Variants in NRXN3 observed in about 807,000 individuals in gnomAD.
NRXN3 encodes the protein neurexin III.
A neutral mutation model predicts 137.6 loss-of-function variants in NRXN3; 32 were observed. The ratio of observed to expected loss-of-function variants is 0.23; its 90% CI spans 0.18 to 0.31. The LOEUF (loss-of-function observed/expected upper bound fraction) is 0.31, where lower values mean the gene tolerates loss of function less well. Ranked by LOEUF, NRXN3 falls within the 10% of genes least tolerant of loss-of-function variation. The pLI, the probability that NRXN3 is intolerant of heterozygous loss-of-function variation, is 1.00. For missense variants in NRXN3, 1,574 were observed against 2,062.5 expected (o/e 0.76, Z 4.59); for synonymous variants, 798 against 784.5 (o/e 1.02, Z -0.29).
chr14:79,830,441 G>C (rs2099319820), intron 20 of NRXN3, among the ~76,000 whole-genome samples: 1 of 152,140 alleles, frequency 6.6e-6, no homozygotes, highest in African/African-American at 2.4e-5. Flanking sequence ...CCCCAAATGT[G>C]TGTCTCTTGT....
chr14:78,555,735 A>C (rs950720081), intron 4 of NRXN3, among the ~76,000 whole-genome samples: 4 of 152,242 alleles, frequency 2.6e-5, no homozygotes, highest in African/African-American at 9.6e-5. Flanking sequence ...CTCAAAATGA[A>C]GTAACAGTAA....
chr14:79,428,809 G>C (rs1600156764), intron 15 of NRXN3, among the ~76,000 whole-genome samples: 1 of 152,200 alleles, frequency 6.6e-6, no homozygotes, highest in East Asian at 1.9e-4. Context: ...TTCTGAGTTT[G>C]AAGCAGATTC....
intron 16 of NRXN3, among the ~76,000 whole-genome samples, chr14:79,473,383 G>T (rs571192513): frequency 6.6e-6 from 1 of 152,218 alleles, no homozygotes; most frequent in East Asian, 1.9e-4. Context: ...ATGATGAATG[G>T]TCTGTTCCTC....
At chr14:78,489,806 A>G (rs931149298) in intron 4 of NRXN3, among the ~76,000 whole-genome samples, 3 of 152,096 alleles carry the variant, frequency 2.0e-5, no homozygotes, top group South Asian at 4.2e-4. Context: ...TGGAGAAATC[A>G]GAGGCAATCA....
chr14:78,416,556 A>G (rs552549338), intron 4 of NRXN3, among the ~76,000 whole-genome samples: 7 of 152,352 alleles, frequency 4.6e-5, no homozygotes, highest in Admixed American at 2.6e-4. Flanking sequence ...TTGTAATCAA[A>G]TAGTCATCTA....
chr14:78,508,938 G>T (rs1265455572), intron 4 of NRXN3, among the ~76,000 whole-genome samples: 1 of 152,138 alleles, frequency 6.6e-6, no homozygotes, highest in East Asian at 1.9e-4. Flanking sequence ...TTTGTATTCA[G>T]TACTATAATG....
chr14:79,270,336 CT>C (rs2079112265), intron 15 of NRXN3, among the ~76,000 whole-genome samples: 1 of 152,124 alleles, frequency 6.6e-6, no homozygotes, highest in African/African-American at 2.4e-5. Flanking sequence ...ATGTTCTCCC[CT>C]ATAGTAATTC....
intron 4 of NRXN3, among the ~76,000 whole-genome samples, chr14:78,473,855 C>T (rs1375064086): frequency 6.6e-6 from 1 of 152,184 alleles, no homozygotes; most frequent in African/African-American, 2.4e-5. Flanking sequence ...CTGCAAAGGG[C>T]TGCTTGAATG....
chr14:78,594,517 A>G (rs2097143485), intron 4 of NRXN3, among the ~76,000 whole-genome samples: 1 of 152,218 alleles, frequency 6.6e-6, no homozygotes, highest in Non-Finnish European at 1.5e-5. Context: ...TGGTCAATAC[A>G]ACTACTCTTG....
intron 16 of NRXN3, among the ~76,000 whole-genome samples, chr14:79,558,841 G>A (rs1271513928): frequency 6.6e-6 from 1 of 152,106 alleles, no homozygotes; most frequent in Non-Finnish European, 1.5e-5. Flanking sequence ...ATCTAGTGCA[G>A]CCATCTTTAT....
At chr14:78,173,807 A>T (rs561066730) in intron 1 of NRXN3, among the ~76,000 whole-genome samples, 1 of 107,046 alleles carries the variant, frequency 9.3e-6, no homozygotes, top group Non-Finnish European at 2.2e-5. Context: ...CGGCACATCC[A>T]CACACACACT....
chr14:79,455,211 A>G (rs1264583328), intron 15 of NRXN3, among the ~76,000 whole-genome samples: 1 of 152,212 alleles, frequency 6.6e-6, no homozygotes, highest in Non-Finnish European at 1.5e-5. Context: ...TTTTCTCTTC[A>G]TAGGCAACAT....
chr14:79,375,479 C>T (rs2094244994), intron 15 of NRXN3, among the ~76,000 whole-genome samples: 1 of 151,796 alleles, frequency 6.6e-6, no homozygotes, highest in African/African-American at 2.4e-5. Flanking sequence ...TTGTCTGAGA[C>T]CTGAGAGTTA....
intron 1 of NRXN3, among the ~76,000 whole-genome samples, chr14:78,173,484 C>T (rs988617130): frequency 4.6e-5 from 7 of 150,668 alleles, no homozygotes; most frequent in Non-Finnish European, 7.4e-5. Context: ...GGGTTGGCGT[C>T]TGGGCATTGT....
chr14:78,392,726 T>C (rs1196328505), intron 4 of NRXN3, among the ~76,000 whole-genome samples: 1 of 152,114 alleles, frequency 6.6e-6, no homozygotes, highest in Non-Finnish European at 1.5e-5. Context: ...TATATTATCA[T>C]TATTATCTCT....
At chr14:79,349,235 T>C (rs73325788) in intron 15 of NRXN3, among the ~76,000 whole-genome samples, 3,580 of 152,116 alleles carry the variant, frequency 0.024, 135 homozygotes, top group African/African-American at 0.082. Context: ...GTGGACATGC[T>C]AAAAAATTCA....
At chr14:78,359,679 C>A (rs766293066) in intron 4 of NRXN3, among the ~76,000 whole-genome samples, 2 of 152,058 alleles carry the variant, frequency 1.3e-5, no homozygotes, top group Non-Finnish European at 2.9e-5. Context: ...AATATTGTAC[C>A]CTGCGGTACT....
intron 20 of NRXN3, among the ~76,000 whole-genome samples, chr14:79,852,624 C>T (rs762529235): frequency 1.1e-4 from 17 of 150,712 alleles, no homozygotes; most frequent in South Asian, 2.1e-4. Context: ...ATAAAGAAAA[C>T]GTAAAATTAG....
chr14:78,754,777 AAGTTGTC>A (rs2098659961), intron 8 of NRXN3, among the ~76,000 whole-genome samples: 1 of 151,666 alleles, frequency 6.6e-6, no homozygotes, highest in Admixed American at 6.6e-5. Context: ...GAGTTTTACC[AAGTTGTC>A]CTACTGATTT....
Sources: gnomAD v4.1 joint callset for allele counts (sites outside exome capture counted in the v4.1 genomes callset) on GRCh38, gnomAD v4.1.1 for gene constraint, MANE v1.5 for transcripts, NCBI Gene and HGNC (gene_info 2026-07-23, HGNC 2026-07-21) for gene names.